SLC25A26: variants seen among roughly 807,000 people sequenced by gnomAD.
The protein encoded by SLC25A26 is mitochondrial S-adenosylmethionine carrier protein.
In SLC25A26, 36 loss-of-function variants were observed where a neutral mutation model predicts 37.8. The observed-to-expected ratio is 0.95, with a 90% CI of 0.73 to 1.26. The LOEUF is 1.26. Ranked by LOEUF, SLC25A26 falls within the 50% of genes most tolerant of loss-of-function variation. The probability of loss-of-function intolerance (pLI) is 0.00; values close to 1 mark genes in which losing one functional copy is unlikely to be tolerated. For missense variants in SLC25A26, 390 were observed against 331.1 expected (o/e 1.18, Z -1.38); for synonymous variants, 129 against 122.5 (o/e 1.05, Z -0.35).
intron 1 of SLC25A26, among the ~76,000 whole-genome samples, chr3:66,225,404 C>T (rs975044860): frequency 6.6e-6 from 1 of 152,166 alleles, no homozygotes; most frequent in Admixed American, 6.5e-5. Context: ...TTGGCCCCTT[C>T]TAGCCACGGC....
intron 5 of SLC25A26, among the ~76,000 whole-genome samples, chr3:66,266,640 A>G (rs960424956): frequency 2.3e-5 from 3 of 133,254 alleles, no homozygotes; most frequent in Non-Finnish European, 4.6e-5. Flanking sequence ...TATCCCTTAC[A>G]TTCTCTGAAA....
intron 1 of SLC25A26, among the ~76,000 whole-genome samples, chr3:66,232,887 AGAAT>A (rs1459132244): frequency 1.3e-5 from 2 of 152,222 alleles, no homozygotes; most frequent in Admixed American, 6.5e-5. Flanking sequence ...CACTGCAGGG[AGAAT>A]GAATGGGAAG....
Position 66,272,332 on chromosome 3 carries a change from A to G in SLC25A26, c.453+8953A>G, listed in dbSNP as rs150517896. Reference sequence around the variant, plus strand: ...GCTGTGTATTTTACATTTTATAAACAGATAAATTTTTTCTGGGGAGGAAAA... The same window carrying G: ...GCTGTGTATTTTACATTTTATAAACGGATAAATTTTTTCTGGGGAGGAAAA... On this transcript the variant is annotated intron_variant, in intron 5 of 9. Coordinates refer to ENST00000354883, the MANE Select transcript of SLC25A26 (RefSeq NM_001379210.1). Among the ~76,000 whole-genome samples the G allele has an allele frequency of 2.5e-3, 386 of 152,312 alleles. 2 individuals are homozygous for G. The highest frequency in any genetic ancestry group is 9.1e-3 in the African/African-American group (379 of 41,572).
At chr3:66,182,186 T>A (rs1215703335) in intron 1 of SLC25A26, among the ~76,000 whole-genome samples, 1 of 152,066 alleles carries the variant, frequency 6.6e-6, no homozygotes, top group Non-Finnish European at 1.5e-5. Flanking sequence ...AATTCCCAAA[T>A]GGGAGGTGAG....
chr3:66,264,139 G>T (rs1038301187), intron 5 of SLC25A26, among the ~76,000 whole-genome samples: 1 of 152,044 alleles, frequency 6.6e-6, no homozygotes, highest in Non-Finnish European at 1.5e-5. Flanking sequence ...TAGCCAAGTG[G>T]TGGGCACCTG....
chr3:66,145,509 G>A (rs577981166), intron 1 of SLC25A26, among the ~76,000 whole-genome samples: 7 of 152,250 alleles, frequency 4.6e-5, no homozygotes, highest in Non-Finnish European at 1.0e-4. Context: ...TAGGGGACAG[G>A]GTCCCAAATC....
At chr3:66,343,879 A>G (rs1390312763) in intron 5 of SLC25A26, among the ~76,000 whole-genome samples, 2 of 152,226 alleles carry the variant, frequency 1.3e-5, no homozygotes, top group Non-Finnish European at 2.9e-5. Flanking sequence ...TTGGAAATAT[A>G]ATGCTTGAGT....
chr3:66,236,786 T>C, intron 2 of SLC25A26, 86 bp downstream of exon 2: 1 of 1,017,942 alleles, frequency 9.8e-7, no homozygotes, highest in Non-Finnish European at 1.3e-6. Flanking sequence ...ATAGAATTCC[T>C]TGTGTGTTGA....
chr3:66,238,109 A>C (rs1176210639), intron 2 of SLC25A26, among the ~76,000 whole-genome samples: 7 of 152,212 alleles, frequency 4.6e-5, no homozygotes, highest in African/African-American at 1.7e-4. Flanking sequence ...GCATAGTTTT[A>C]AGTACGTGAG....
intron 5 of SLC25A26, among the ~76,000 whole-genome samples, chr3:66,282,447 C>G (rs2074379620): frequency 6.6e-6 from 1 of 152,092 alleles, no homozygotes; most frequent in Non-Finnish European, 1.5e-5. Flanking sequence ...TGCCAGGCCC[C>G]CATTAGTCTT....
At chr3:66,144,165 G>A (rs1343939178) in intron 1 of SLC25A26, among the ~76,000 whole-genome samples, 1 of 152,026 alleles carries the variant, frequency 6.6e-6, no homozygotes, top group East Asian at 1.9e-4. Flanking sequence ...TGATAACAAG[G>A]AACCAACTGT....
At position 66,239,169 on chromosome 3, in the gene SLC25A26, C is replaced by T. The variant is rs181343426; in HGVS notation, c.190+2469C>T. ...CATTTGACACTGGTTTGGAAGCACTCATCTCCACCAAGTTGTCTTCTGTTA... is the reference window on the plus strand; with the variant it reads ...CATTTGACACTGGTTTGGAAGCACTTATCTCCACCAAGTTGTCTTCTGTTA... On this transcript the variant is annotated intron_variant, in intron 2 of 9. Coordinates refer to ENST00000354883, the MANE Select transcript of SLC25A26 (RefSeq NM_001379210.1). Among the ~76,000 whole-genome samples the T allele has an allele frequency of 3.9e-3, 593 of 152,286 alleles. 5 individuals carry two copies. Among genetic ancestry groups the T allele is most frequent in the African/African-American group, 0.014 (571 of 41,554 alleles).
chr3:66,279,513 G>C (rs764393843), intron 5 of SLC25A26, among the ~76,000 whole-genome samples: 1 of 152,096 alleles, frequency 6.6e-6, no homozygotes, highest in Non-Finnish European at 1.5e-5. Flanking sequence ...ATTTGATTCT[G>C]ATTTTTTTGG....
intron 9 of SLC25A26, among the ~76,000 whole-genome samples, chr3:66,377,361 C>T (rs1490204353): frequency 6.6e-6 from 1 of 152,108 alleles, no homozygotes; most frequent in Admixed American, 6.6e-5. Flanking sequence ...GGAGCGGCAG[C>T]ATTGCCCAAA....
chr3:66,246,154 C>G (rs987177463), intron 3 of SLC25A26, among the ~76,000 whole-genome samples: 15 of 152,106 alleles, frequency 9.9e-5, no homozygotes, highest in African/African-American at 3.6e-4. Flanking sequence ...TAGTTGGTTT[C>G]TTTTTAAAAT....
At chr3:66,226,481 C>T (rs1245216562) in intron 1 of SLC25A26, among the ~76,000 whole-genome samples, 1 of 148,900 alleles carries the variant, frequency 6.7e-6, no homozygotes, top group Non-Finnish European at 1.5e-5. Context: ...GCGTTCTTTT[C>T]TTTTTTTTTT....
At chr3:66,345,500 CT>C (rs1387407466) in intron 5 of SLC25A26, among the ~76,000 whole-genome samples, 32 of 150,058 alleles carry the variant, frequency 2.1e-4, no homozygotes, top group Admixed American at 9.3e-4. Context: ...CTCTGCCCCC[CT>C]ACCCTCTACC....
At chr3:66,145,129 A>T (rs2070096451) in intron 1 of SLC25A26, among the ~76,000 whole-genome samples, 1 of 152,214 alleles carries the variant, frequency 6.6e-6, no homozygotes, top group Non-Finnish European at 1.5e-5. Context: ...AACAATGAAA[A>T]AAAAATCTAT....
chr3:66,263,425 C>G (rs766051750), intron 5 of SLC25A26, 46 bp downstream of exon 5: 1 of 1,234,572 alleles, frequency 8.1e-7, no homozygotes, highest in South Asian at 1.3e-5. Context: ...GAATGATGTC[C>G]TTTGTTCAGT....
Sources: allele counts gnomAD v4.1 joint callset (sites outside exome capture counted in the v4.1 genomes callset), GRCh38; gene constraint gnomAD v4.1.1; transcripts MANE v1.5; gene names NCBI Gene and HGNC (gene_info 2026-07-23, HGNC 2026-07-21).